Variants in PHACTR1 observed in about 807,000 individuals in gnomAD.
PHACTR1 encodes the protein phosphatase and actin regulator 1.
Under a neutral mutation model 69.2 loss-of-function variants are expected in PHACTR1, and 16 were observed. That is an observed-to-expected ratio of 0.23 (90% CI 0.16 to 0.35). The LOEUF (loss-of-function observed/expected upper bound fraction) is 0.35. PHACTR1 is among the 10% of genes least tolerant of loss of function. The pLI is 1.00. For missense variants in PHACTR1, 510 were observed against 734.7 expected (o/e 0.69, Z 3.54); for synonymous variants, 312 against 284.5 (o/e 1.10, Z -0.97).
chr6:13,038,741 T>G (rs1803729638), intron 4 of PHACTR1, among the ~76,000 whole-genome samples: 1 of 152,182 alleles, frequency 6.6e-6, no homozygotes, highest in Admixed American at 6.5e-5. Flanking sequence ...GATGAATTTT[T>G]CTCTCATATA....
chr6:13,134,139 C>G lies in PHACTR1; in HGVS notation c.416-26065C>G, dbSNP rs575088867. ...GGAAGTGAGGAGCGTCTCCGCCTGG[C>G]AGCCGCCCCCTCCAGGAGGTGGGGG... On this transcript the variant is annotated intron_variant, in intron 5 of 14. Coordinates refer to ENST00000332995, the MANE Select transcript of PHACTR1 (RefSeq NM_030948.6). Among the ~76,000 whole-genome samples, 6 of 152,174 alleles carry G rather than the reference C, an allele frequency of 3.9e-5. No individual in the cohort carries two copies. The East Asian group carries it at 1.2e-3, about 30-fold the overall frequency.
intron 7 of PHACTR1, among the ~76,000 whole-genome samples, chr6:13,191,739 G>C (rs1005493262): frequency 2.0e-5 from 3 of 151,866 alleles, no homozygotes; most frequent in Non-Finnish European, 4.4e-5. Flanking sequence ...AGGAGGGACA[G>C]TCTCCCCAGC....
Position 12,916,207 on chromosome 6 carries a change from G to A in PHACTR1, c.251-137158G>A, listed in dbSNP as rs79139907. Among the ~76,000 whole-genome samples, 1,449 of 152,072 alleles carry A rather than the reference G, an allele frequency of 9.5e-3. 42 individuals carry two copies. The South Asian group carries it at 0.11, about 12-fold the overall frequency. On this transcript the variant is annotated intron_variant, in intron 4 of 14. Transcript: ENST00000332995. Reference sequence around the variant, plus strand: ...TCCCTTTTCCAAACTCCTCATCTTCGCAGCAGGTTACTCACAATCTTCATG... The same window carrying A: ...TCCCTTTTCCAAACTCCTCATCTTCACAGCAGGTTACTCACAATCTTCATG...
chr6:13,174,349 C>T (rs1484533749), intron 6 of PHACTR1, among the ~76,000 whole-genome samples: 2 of 152,222 alleles, frequency 1.3e-5, no homozygotes. Flanking sequence ...CTTTATTTTG[C>T]TAACTATAGC....
intron 4 of PHACTR1, among the ~76,000 whole-genome samples, chr6:12,845,429 A>T (rs56387793): frequency 1.1e-4 from 2 of 18,026 alleles, no homozygotes; most frequent in African/African-American, 2.3e-4. Context: ...AACACCACCC[A>T]CCCCCCCCCC....
intron 4 of PHACTR1, among the ~76,000 whole-genome samples, chr6:12,860,377 T>G (rs1780819988): frequency 6.6e-6 from 1 of 152,184 alleles, no homozygotes; most frequent in African/African-American, 2.4e-5. Context: ...GTGCCACATG[T>G]TCTTTATCCA....
At chr6:13,250,407 A>T (rs1244001350) in intron 10 of PHACTR1, among the ~76,000 whole-genome samples, 1 of 152,232 alleles carries the variant, frequency 6.6e-6, no homozygotes, top group Non-Finnish European at 1.5e-5. Context: ...GTGAAGCATC[A>T]TATAGCATAC....
intron 5 of PHACTR1, among the ~76,000 whole-genome samples, chr6:13,060,448 C>T (rs983944258): frequency 7.9e-5 from 12 of 151,854 alleles, no homozygotes; most frequent in South Asian, 6.2e-4. Context: ...TTATGATGCA[C>T]GAGAGATCAA....
chr6:13,133,910 C>G (rs1224583908), intron 5 of PHACTR1, among the ~76,000 whole-genome samples: 1 of 151,756 alleles, frequency 6.6e-6, no homozygotes, highest in Non-Finnish European at 1.5e-5. Context: ...GCCCGGCCGC[C>G]CATCGTCTGA....
intron 4 of PHACTR1, among the ~76,000 whole-genome samples, chr6:12,773,355 T>A (rs1054385262): frequency 6.6e-6 from 1 of 152,200 alleles, no homozygotes; most frequent in Non-Finnish European, 1.5e-5. Context: ...GTCAACTCAA[T>A]ATTTTAACAA....
chr6:13,281,276 G>A (rs749795433), intron 12 of PHACTR1: 49 of 443,688 alleles, frequency 1.1e-4, no homozygotes, highest in African/African-American at 7.0e-4. Flanking sequence ...CCTTTGGGCC[G>A]GGCTCGGTGG....
At chr6:13,276,196 G>A (rs1379845693) in intron 11 of PHACTR1, 1 of 152,014 alleles carries the variant, frequency 6.6e-6, no homozygotes, top group East Asian at 1.9e-4. Context: ...CATGGTGACG[G>A]TTTCAGGCAC....
At chr6:13,263,704 T>G (rs1391142390) in intron 10 of PHACTR1, among the ~76,000 whole-genome samples, 3 of 152,232 alleles carry the variant, frequency 2.0e-5, no homozygotes, top group African/African-American at 7.2e-5. Flanking sequence ...TCAGGAATTT[T>G]GTTTAATTTA....
chr6:12,954,154 G>T (rs958551818), intron 4 of PHACTR1, among the ~76,000 whole-genome samples: 11 of 151,988 alleles, frequency 7.2e-5, no homozygotes, highest in African/African-American at 2.2e-4. Context: ...TTAAACAAAG[G>T]CAGGGAGACC....
At chr6:12,785,853 T>C (rs10948244) in intron 4 of PHACTR1, among the ~76,000 whole-genome samples, 43,124 of 152,062 alleles carry the variant, frequency 0.28, 6,715 homozygotes, top group Middle Eastern at 0.44. Context: ...CATAGCTTTA[T>C]TTATTTATTT....
chr6:12,920,790 G>A (rs148026788), intron 4 of PHACTR1, among the ~76,000 whole-genome samples: 9 of 152,338 alleles, frequency 5.9e-5, no homozygotes, highest in African/African-American at 2.2e-4. Context: ...ACATTTCTAT[G>A]TCAAGCAGCT....
chr6:13,122,425 A>G (rs765449914), intron 5 of PHACTR1, among the ~76,000 whole-genome samples: 19 of 152,228 alleles, frequency 1.2e-4, no homozygotes, highest in Non-Finnish European at 2.2e-4. Flanking sequence ...CGTAACTGTC[A>G]GAAGAAGTAA....
intron 4 of PHACTR1, among the ~76,000 whole-genome samples, chr6:12,967,923 G>A (rs1248652761): frequency 6.6e-6 from 1 of 152,200 alleles, no homozygotes; most frequent in African/African-American, 2.4e-5. Flanking sequence ...TTGAAAACAG[G>A]AAGTTCCGTT....
intron 5 of PHACTR1, among the ~76,000 whole-genome samples, chr6:13,124,194 C>A (rs1819173866): frequency 6.6e-6 from 1 of 152,204 alleles, no homozygotes; most frequent in Non-Finnish European, 1.5e-5. Context: ...CCAGAAGCTA[C>A]CATTGGGACC....
Sources: gnomAD v4.1 joint callset for allele counts (sites outside exome capture counted in the v4.1 genomes callset) on GRCh38, gnomAD v4.1.1 for gene constraint, MANE v1.5 for transcripts, NCBI Gene and HGNC (gene_info 2026-07-23, HGNC 2026-07-21) for gene names.